Variants in EIF2AK4 observed in about 807,000 individuals in gnomAD.
EIF2AK4 encodes the protein eukaryotic translation initiation factor 2 alpha kinase 4.
A neutral mutation model predicts 211.1 loss-of-function variants in EIF2AK4; 139 were observed. The observed-to-expected ratio is 0.66, with a 90% CI of 0.57 to 0.76. The LOEUF (loss-of-function observed/expected upper bound fraction) is 0.76. EIF2AK4 is among the 30% of genes least tolerant of loss of function. EIF2AK4 has a pLI of 0.00. For synonymous variants in EIF2AK4, 710 were observed against 751.3 expected (o/e 0.94, Z 0.90); for missense variants, 1,664 against 2,043.8 (o/e 0.81, Z 3.58).
At chr15:39,980,130 T>G (rs2034760780) in intron 13 of EIF2AK4, among the ~76,000 whole-genome samples, 1 of 152,218 alleles carries the variant, frequency 6.6e-6, no homozygotes, top group African/African-American at 2.4e-5. Flanking sequence ...ACGAAGTTAT[T>G]TCCTAACTAT....
chr15:39,961,990 A>G (rs763527046), intron 7 of EIF2AK4, 91 bp downstream of exon 7: 4 of 960,174 alleles, frequency 4.2e-6, no homozygotes, highest in Non-Finnish European at 6.5e-6. Flanking sequence ...TGTCATTCAG[A>G]CCAGTGCAGT....
Position 39,998,744 on chromosome 15 carries a change from A to G in EIF2AK4, c.2882A>G (p.Lys961Arg). 1 of 1,613,076 alleles carries G rather than the reference A, an allele frequency of 6.2e-7. No homozygotes were observed. The highest frequency in any genetic ancestry group is 1.7e-5 in the Admixed American group (1 of 59,862). Residue 961 changes from lysine to arginine, a missense_variant, in exon 20 of 39, where the codon AAG becomes AGG. Around this residue, in one of 7 missense-constraint regions of EIF2AK4, gnomAD observed 622 missense variants for 796.8 expected, o/e 0.78. Transcript: ENST00000263791. ...LNQLRDPTSP[K>R]FPEDFDDGEH... ...ATATTTTTTTAGCCCACTTCGCCTA[A>G]GTTTCCAGAAGACTTTGACGATGGA...
intron 7 of EIF2AK4, 110 bp downstream of exon 7, chr15:39,962,009 G>A (rs2034479859): frequency 2.7e-6 from 2 of 740,788 alleles, no homozygotes; most frequent in South Asian, 4.0e-5. Context: ...GTCCAAGGAA[G>A]ACCATCAAGC....
At chr15:40,028,825 G>T (rs188111896) in intron 33 of EIF2AK4, among the ~76,000 whole-genome samples, 164 of 152,278 alleles carry the variant, frequency 1.1e-3, no homozygotes, top group African/African-American at 3.8e-3. Flanking sequence ...ACACTTAAAA[G>T]GCTACATGGG....
rs1254207882 is a variant in EIF2AK4 at position 39,996,999 on chromosome 15, T to C, written c.2802T>C (p.Phe934=). The change falls in exon 19 of 39, where the codon TTT becomes TTC. Residue 934 remains phenylalanine, a synonymous_variant. Transcript: ENST00000263791. ...VDLFSLGIIF[F]EMSYHPMVTA... Reference sequence around the variant, plus strand: ...TCTTCAGCCTGGGAATTATCTTCTTTGAGATGTCCTATCACCCCATGGTCA... The same window carrying C: ...TCTTCAGCCTGGGAATTATCTTCTTCGAGATGTCCTATCACCCCATGGTCA... 1 of 1,613,244 alleles carries C rather than the reference T, an allele frequency of 6.2e-7. No homozygotes were observed. Among genetic ancestry groups the C allele is most frequent in the African/African-American group, 1.3e-5 (1 of 74,916 alleles).
At position 39,943,506 on chromosome 15, in the gene EIF2AK4, A is replaced by G. The variant is rs1245597504; in HGVS notation, c.360+21A>G. 1.9e-6 allele frequency: 3 copies of G among 1,569,852 alleles called. No individual in the cohort carries two copies. In the East Asian group the frequency reaches 6.8e-5, roughly 36 times the overall value. On this transcript the variant is annotated intron_variant, in intron 3 of 38. Transcript: ENST00000263791. ...GGGAGGTAAGATTTGTTAAACTGGA[A>G]TTAAAAGAAGACAGTAAACTTCCCC...
intron 29 of EIF2AK4, among the ~76,000 whole-genome samples, chr15:40,017,551 A>ATGTATGTATATG (rs1555422344): frequency 1.1e-5 from 1 of 87,094 alleles, no homozygotes; most frequent in Admixed American, 1.3e-4. Flanking sequence ...ATATATATAT[A>ATGTATGTATATG]TATGTATTTT....
At chr15:40,008,882 T>G (rs1005437380) in intron 25 of EIF2AK4, among the ~76,000 whole-genome samples, 1 of 152,148 alleles carries the variant, frequency 6.6e-6, no homozygotes, top group Non-Finnish European at 1.5e-5. Context: ...ATACCCCCAT[T>G]GCAGCCAGCT....
chr15:40,014,864 A>G (rs2035284353), intron 27 of EIF2AK4, among the ~76,000 whole-genome samples: 2 of 152,110 alleles, frequency 1.3e-5, no homozygotes, highest in Admixed American at 1.3e-4. Context: ...CACCCAAGTC[A>G]CCTCTTGATG....
At chr15:40,016,717 C>T (rs74012722) in intron 28 of EIF2AK4, 45 bp downstream of exon 28, 3 of 1,589,850 alleles carry the variant, frequency 1.9e-6, no homozygotes, top group African/African-American at 1.4e-5. Context: ...TGTAGCATTA[C>T]TAATAGCACA....
At chr15:40,019,576 G>C (rs562621188) in intron 30 of EIF2AK4, among the ~76,000 whole-genome samples, 12 of 152,286 alleles carry the variant, frequency 7.9e-5, no homozygotes, top group African/African-American at 2.9e-4. Flanking sequence ...ATAGGAGCAT[G>C]AACCTTGTTG....
At chr15:40,017,501 C>CTATATATATA (rs202237104) in intron 29 of EIF2AK4, among the ~76,000 whole-genome samples, 34 of 25,988 alleles carry the variant, frequency 1.3e-3, no homozygotes, top group South Asian at 3.9e-3. Flanking sequence ...TACTCTGTTT[C>CTATATATATA]TATATATATA....
intron 25 of EIF2AK4, among the ~76,000 whole-genome samples, chr15:40,009,059 G>A (rs932349216): frequency 1.4e-5 from 2 of 144,036 alleles, no homozygotes; most frequent in African/African-American, 5.3e-5. Flanking sequence ...CTGAAGACCA[G>A]TCAGAGTTGT....
intron 6 of EIF2AK4, among the ~76,000 whole-genome samples, chr15:39,960,305 A>G (rs1197633235): frequency 6.6e-6 from 1 of 152,142 alleles, no homozygotes; most frequent in Non-Finnish European, 1.5e-5. Flanking sequence ...AGACCAGATA[A>G]TAACAGAGTA....
At chr15:40,016,909 G>C (rs1006647730) in intron 28 of EIF2AK4, among the ~76,000 whole-genome samples, 199 bp from the exon 29 acceptor site, 6 of 152,218 alleles carry the variant, frequency 3.9e-5, no homozygotes, top group Non-Finnish European at 7.3e-5. Flanking sequence ...CAGAGAGGTG[G>C]TTATTCTTAA....
At chr15:40,029,177 T>C in intron 33 of EIF2AK4, 1 of 324,616 alleles carries the variant, frequency 3.1e-6, no homozygotes, top group Middle Eastern at 1.5e-3. Flanking sequence ...CAGAATGTTT[T>C]CCTTAGGCAT....
chr15:39,984,320 G>C (rs545821919), intron 13 of EIF2AK4, among the ~76,000 whole-genome samples: 5 of 152,290 alleles, frequency 3.3e-5, no homozygotes, highest in Admixed American at 1.3e-4. Flanking sequence ...GCTTAGGATT[G>C]TCTTGGCTAT....
chr15:39,960,163 C>CAAAA (rs926246870), intron 6 of EIF2AK4, among the ~76,000 whole-genome samples: 1 of 46,464 alleles, frequency 2.2e-5, no homozygotes, highest in Non-Finnish European at 4.6e-5. Flanking sequence ...GACTCCATCT[C>CAAAA]AAAAAAAAAA....
At chr15:39,934,377 C>T (rs2034032270) in intron 1 of EIF2AK4, 38 bp downstream of exon 1, 1 of 1,574,696 alleles carries the variant, frequency 6.4e-7, no homozygotes, top group Non-Finnish European at 8.6e-7. Flanking sequence ...CTGGCGTGCC[C>T]TGGCCTCCCC....
Sources: gnomAD v4.1 joint callset for allele counts (sites outside exome capture counted in the v4.1 genomes callset) on GRCh38, gnomAD v4.1.1 for gene constraint, gnomAD v4.1.1 regional missense constraint, MANE v1.5 for transcripts, NCBI Gene and HGNC (gene_info 2026-07-23, HGNC 2026-07-21) for gene names.